Variants in FGD3 observed in about 807,000 individuals in gnomAD.
The protein encoded by FGD3 is FYVE, RhoGEF and PH domain-containing protein 3.
In FGD3, 45 loss-of-function variants were observed where a neutral mutation model predicts 71.8. The ratio of observed to expected loss-of-function variants is 0.63; its 90% confidence interval spans 0.49 to 0.80. The LOEUF (loss-of-function observed/expected upper bound fraction) is 0.80, where lower values mean the gene tolerates loss of function less well. Ranked by LOEUF, FGD3 falls within the 30% of genes least tolerant of loss-of-function variation. The pLI is 0.00. For synonymous variants in FGD3, 378 were observed against 392.8 expected, an observed-to-expected ratio of 0.96 and a Z score of 0.44; for missense variants, 844 against 951.5, an observed-to-expected ratio of 0.89 and a Z score of 1.49.
At chr9:92,994,182 A>G (rs527846364) in intron 3 of FGD3, among the ~76,000 whole-genome samples, 57 of 152,192 alleles carry the variant, frequency 3.7e-4, no homozygotes, top group African/African-American at 1.2e-3. Flanking sequence ...ATGGTATCTC[A>G]CGGTGGTTTT....
chr9:93,003,688 C>G lies in FGD3; in HGVS notation c.544-313C>G, dbSNP rs1860942039. On this transcript the variant is annotated intron_variant, in intron 4 of 17. Coordinates refer to ENST00000375482, the MANE Select transcript of FGD3 (RefSeq NM_001083536.2). The surrounding 1 kb of genome is among the most constrained non-coding windows in gnomAD (Gnocchi z 4.1). ...CAGTGCTGCTGCTGTTTTTATCTCACGAGAAAGAAAAGGAAGTCTGAACCT... is the reference window on the plus strand; with the variant it reads ...CAGTGCTGCTGCTGTTTTTATCTCAGGAGAAAGAAAAGGAAGTCTGAACCT... Among the ~76,000 whole-genome samples, 1 of 152,116 alleles carries G rather than the reference C, an allele frequency of 6.6e-6. No individual in the cohort carries two copies. The highest frequency in any genetic ancestry group is 2.4e-5 in the African/African-American group (1 of 41,410).
intron 8 of FGD3, 77 bp downstream of exon 8, chr9:93,011,349 C>T (rs1051699630): frequency 9.2e-5 from 143 of 1,553,750 alleles, no homozygotes; most frequent in Non-Finnish European, 1.2e-4. Flanking sequence ...TGGGCCAGCC[C>T]CTTTGCCGCT....
chr9:93,019,897 C>A, intron 12 of FGD3, 36 bp downstream of exon 12: 1 of 1,611,040 alleles, frequency 6.2e-7, no homozygotes, highest in Middle Eastern at 1.7e-4. Context: ...ACCAAATGAC[C>A]AAGTGATTGA....
intron 1 of FGD3, among the ~76,000 whole-genome samples, chr9:92,954,683 G>C (rs1354173118): frequency 2.0e-5 from 3 of 152,156 alleles, no homozygotes; most frequent in Non-Finnish European, 4.4e-5. Context: ...CTGAGTGACC[G>C]CACTTTGGCC....
intron 3 of FGD3, among the ~76,000 whole-genome samples, chr9:92,980,021 ATAGAATAGATTTTTTTTTTTTT>A (rs1193295014): frequency 7.1e-6 from 1 of 141,368 alleles, no homozygotes; most frequent in East Asian, 2.0e-4. Flanking sequence ...CATTTAGACA[ATAGAATAGATTTTTTTTTTTTT>A]TAGATGGAGT....
chr9:93,028,994 A>AGTTT (rs1564171825), intron 14 of FGD3, among the ~76,000 whole-genome samples: 1 of 73,074 alleles, frequency 1.4e-5, no homozygotes, highest in Non-Finnish European at 2.8e-5. Context: ...ATGTCCTCAC[A>AGTTT]GTTTTTTTTT....
chr9:93,025,389 C>G (rs1291467573), intron 14 of FGD3, among the ~76,000 whole-genome samples: 1 of 152,208 alleles, frequency 6.6e-6, no homozygotes, highest in African/African-American at 2.4e-5. Context: ...GTGTTCCTCA[C>G]TGGTGTCTTC....
intron 3 of FGD3, among the ~76,000 whole-genome samples, chr9:92,979,046 T>G (rs963839955): frequency 1.3e-5 from 2 of 151,912 alleles, no homozygotes; most frequent in African/African-American, 4.8e-5. Context: ...AATCATGTCA[T>G]CTGTGAACAG....
intron 3 of FGD3, among the ~76,000 whole-genome samples, chr9:92,978,810 C>T (rs1859882647): frequency 7.7e-6 from 1 of 130,048 alleles, no homozygotes; most frequent in Non-Finnish European, 1.6e-5. Context: ...CTTCCCTTCC[C>T]TTTCCTTGAG....
intron 14 of FGD3, among the ~76,000 whole-genome samples, chr9:93,028,349 AAAAAAG>A (rs1355936655): frequency 4.0e-5 from 6 of 148,362 alleles, no homozygotes; most frequent in Admixed American, 6.7e-5. Context: ...GAAAAAAAAA[AAAAAAG>A]AAAGAAAAAC....
chr9:93,022,456 C>T (rs1374013040), intron 14 of FGD3, 67 bp downstream of exon 14: 42 of 1,543,438 alleles, frequency 2.7e-5, no homozygotes, highest in Non-Finnish European at 3.2e-5. Flanking sequence ...CCAGGATGAC[C>T]TATAGGGAAG....
At position 93,034,408 on chromosome 9, in the gene FGD3, CTG is replaced by C. The variant is rs901895094; in HGVS notation, c.1786-130_1786-129del. The C allele has an allele frequency of 7.3e-6, 9 of 1,228,464 alleles. No individual in the cohort carries two copies. The Admixed American group carries it at 9.9e-5, about 13-fold the overall frequency. The allele number at this position is 1,228,464 out of a possible 1,614,324, so 76.1% of individuals were successfully genotyped here. ...AGCCGGGTGAGGCTGGTCCCAGTCT[CTG>C]TGCAGATCTTGGCCATGTCTCCACA... On this transcript the variant is annotated intron_variant, in intron 16 of 17. Transcript: ENST00000375482.
intron 11 of FGD3, among the ~76,000 whole-genome samples, chr9:93,018,899 G>T (rs1351958058): frequency 6.6e-6 from 1 of 152,082 alleles, no homozygotes; most frequent in Non-Finnish European, 1.5e-5. Flanking sequence ...AGGCTGGAGT[G>T]CAGTGGCACA....
At chr9:93,026,648 C>T (rs1862125208) in intron 14 of FGD3, among the ~76,000 whole-genome samples, 1 of 152,236 alleles carries the variant, frequency 6.6e-6, no homozygotes, top group Non-Finnish European at 1.5e-5. Flanking sequence ...GCCACACTCA[C>T]TGCTTCCAGA....
At chr9:93,030,874 G>A (rs1274664477) in intron 15 of FGD3, among the ~76,000 whole-genome samples, 1 of 151,984 alleles carries the variant, frequency 6.6e-6, no homozygotes, top group Non-Finnish European at 1.5e-5. Context: ...GGATGGATAG[G>A]TGGGTAGTTA....
chr9:92,988,282 T>A (rs1564151809), intron 3 of FGD3, among the ~76,000 whole-genome samples: 1 of 152,098 alleles, frequency 6.6e-6, no homozygotes. Flanking sequence ...CTACCACCAT[T>A]CCTGGTAGCT....
rs1564173532 is a variant in FGD3, at chr9:93,032,820, C to T, written c.1732C>T (p.Arg578Cys). Residue 578 changes from arginine to cysteine, a missense_variant, in exon 16 of 18, where the codon CGT becomes TGT. Coordinates refer to ENST00000375482, the MANE Select transcript of FGD3 (RefSeq NM_001083536.2). ...EFKAENSRQSRVCRDCFLTQP... is the reference protein window; with the variant it reads ...EFKAENSRQSCVCRDCFLTQP... ...CAAGGCCGAGAACAGCCGGCAGAGC[C>T]GTGTCTGCAGAGATTGTTTCCTGAC... The T allele has an allele frequency of 1.9e-6, 3 of 1,614,212 alleles. No individual in the cohort carries two copies. The highest frequency in any genetic ancestry group is 2.5e-6 in the Non-Finnish European group (3 of 1,180,018).
At chr9:92,952,659 CCT>C (rs773221034) in intron 1 of FGD3, among the ~76,000 whole-genome samples, 24 of 152,110 alleles carry the variant, frequency 1.6e-4, no homozygotes, top group Non-Finnish European at 3.1e-4. Flanking sequence ...CCTCCTTCCC[CCT>C]CTTTCTCCTT....
chr9:93,034,407 T>C, intron 16 of FGD3, 134 bp from the exon 17 acceptor site: 1 of 1,219,458 alleles, frequency 8.2e-7, no homozygotes, highest in Non-Finnish European at 1.1e-6. Flanking sequence ...GGTCCCAGTC[T>C]CTGTGCAGAT....
Sources: allele counts gnomAD v4.1 joint callset (sites outside exome capture counted in the v4.1 genomes callset), GRCh38; gene constraint gnomAD v4.1.1; non-coding constraint Gnocchi (gnomAD v3.1); transcripts MANE v1.5; gene names NCBI Gene and HGNC (gene_info 2026-07-23, HGNC 2026-07-21).